NDST3: variants seen among roughly 807,000 people sequenced by gnomAD.
NDST3 encodes the protein N-deacetylase and N-sulfotransferase 3, also known as bifunctional heparan sulfate N-deacetylase/N-sulfotransferase 3.
Under a neutral mutation model 96.1 loss-of-function variants are expected in NDST3, and 58 were observed. That is an observed-to-expected ratio of 0.60 (90% confidence interval 0.49 to 0.75). The LOEUF (loss-of-function observed/expected upper bound fraction) is 0.75. NDST3 is among the 30% of genes least tolerant of loss of function. NDST3 has a pLI of 0.00. For synonymous variants in NDST3, 333 were observed against 359.7 expected (o/e 0.93, Z 0.84); for missense variants, 788 against 1,034.2 (o/e 0.76, Z 3.27).
At chr4:118,120,246 T>G (rs2125872757) in intron 4 of NDST3, among the ~76,000 whole-genome samples, 1 of 152,186 alleles carries the variant, frequency 6.6e-6, no homozygotes, top group Admixed American at 6.5e-5. Context: ...AAAGATCAGT[T>G]TGTTATTCCC....
intron 6 of NDST3, among the ~76,000 whole-genome samples, chr4:118,219,367 C>T (rs1384030508): frequency 6.6e-6 from 1 of 151,720 alleles, no homozygotes; most frequent in Non-Finnish European, 1.5e-5. Context: ...AACAGAACAG[C>T]GACCTCAGAA....
intron 6 of NDST3, among the ~76,000 whole-genome samples, chr4:118,200,604 G>A (rs1738012037): frequency 6.6e-6 from 1 of 151,930 alleles, no homozygotes. Context: ...TTGTCTTTGG[G>A]ACAGTATTGT....
intron 2 of NDST3, among the ~76,000 whole-genome samples, chr4:118,086,754 G>T (rs1053112550): frequency 2.0e-5 from 3 of 151,996 alleles, no homozygotes; most frequent in Admixed American, 1.3e-4. Context: ...TAAGCTTCTT[G>T]GCCTAATAAT....
chr4:118,037,926 T>A (rs189037765), intron 1 of NDST3, among the ~76,000 whole-genome samples: 1 of 152,290 alleles, frequency 6.6e-6, no homozygotes, highest in East Asian at 1.9e-4. Context: ...ATTTTTTCAT[T>A]ATTCGTTTCT....
intron 6 of NDST3, among the ~76,000 whole-genome samples, chr4:118,146,821 G>A (rs1169072105): frequency 1.3e-5 from 2 of 152,146 alleles, no homozygotes; most frequent in Non-Finnish European, 2.9e-5. Flanking sequence ...ATTTGGGGGA[G>A]GTGGACCTAG....
intron 2 of NDST3, among the ~76,000 whole-genome samples, chr4:118,074,500 CTTCT>C (rs764930344): frequency 1.3e-5 from 2 of 152,006 alleles, no homozygotes; most frequent in African/African-American, 2.4e-5. Context: ...ATGTAATGCC[CTTCT>C]TTGTCATTTT....
intron 8 of NDST3, among the ~76,000 whole-genome samples, chr4:118,230,101 A>G (rs997731701): frequency 1.3e-5 from 2 of 152,214 alleles, no homozygotes; most frequent in Non-Finnish European, 2.9e-5. Context: ...AAGAATAAAA[A>G]TCTTGGTCCT....
At chr4:118,125,010 A>C (rs1223915796) in intron 4 of NDST3, among the ~76,000 whole-genome samples, 1 of 151,978 alleles carries the variant, frequency 6.6e-6, no homozygotes, top group Non-Finnish European at 1.5e-5. Context: ...TGAGGGTTTC[A>C]TTATATAGGC....
intron 1 of NDST3, among the ~76,000 whole-genome samples, chr4:118,050,818 C>G (rs1015596232): frequency 7.9e-5 from 12 of 151,834 alleles, no homozygotes; most frequent in African/African-American, 2.9e-4. Context: ...TTTACAGATT[C>G]AACACTACTA....
At chr4:118,241,930 A>G (rs1287520525) in intron 11 of NDST3, 110 bp from the exon 12 acceptor site, 8 of 686,964 alleles carry the variant, frequency 1.2e-5, no homozygotes, top group African/African-American at 5.4e-5. Context: ...AATGCATGCA[A>G]TTCTGCTCAG....
In NDST3 at chr4:118,166,656, T is replaced by C. The variant is rs76472359; in HGVS notation, c.1539+22972T>C. 9.1e-3 allele frequency among the ~76,000 whole-genome samples: 1,378 copies of C among 151,966 alleles called. 25 individuals are homozygous for C. Among genetic ancestry groups the C allele is most frequent in the Middle Eastern group, 0.082 (24 of 294 alleles). The stretch of plus-strand genomic sequence containing the variant: ...ATAGATACAAAAATCCTCAAAAAAA[T>C]AGTGCAAACTAAATTCAACAGCACA... On this transcript the variant is annotated intron_variant, in intron 6 of 13. Coordinates refer to ENST00000296499, the MANE Select transcript of NDST3 (RefSeq NM_004784.3).
chr4:118,194,685 C>T (rs879354197), intron 6 of NDST3: 32 of 621,798 alleles, frequency 5.1e-5, no homozygotes, highest in Non-Finnish European at 8.9e-5. Context: ...CGAATGTCCA[C>T]TCCCTCCATG....
At chr4:118,086,091 C>T (rs761270160) in intron 2 of NDST3, among the ~76,000 whole-genome samples, 2 of 152,102 alleles carry the variant, frequency 1.3e-5, no homozygotes, top group Non-Finnish European at 2.9e-5. Context: ...GGAACATACT[C>T]CTCCCCTGTA....
chr4:118,171,535 C>G (rs1038344204), intron 6 of NDST3, among the ~76,000 whole-genome samples: 3 of 152,024 alleles, frequency 2.0e-5, no homozygotes, highest in African/African-American at 7.3e-5. Flanking sequence ...TAGGCTAATG[C>G]TGCTTGGTGT....
At chr4:118,244,746 A>G (rs1316737955) in intron 12 of NDST3, among the ~76,000 whole-genome samples, 4 of 152,152 alleles carry the variant, frequency 2.6e-5, no homozygotes, top group Non-Finnish European at 4.4e-5. Context: ...ATAAGCCCCC[A>G]ATGTCAAGAT....
At chr4:118,075,058 C>G (rs987937095) in intron 2 of NDST3, among the ~76,000 whole-genome samples, 1 of 152,022 alleles carries the variant, frequency 6.6e-6, no homozygotes, top group Admixed American at 6.6e-5. Flanking sequence ...CCCATCCCCC[C>G]ACCCCATGAC....
intron 2 of NDST3, among the ~76,000 whole-genome samples, chr4:118,071,320 C>T (rs986766481): frequency 1.3e-5 from 2 of 152,010 alleles, no homozygotes; most frequent in Admixed American, 6.6e-5. Flanking sequence ...TGGTATAGTG[C>T]ATGTCACAGG....
chr4:118,117,440 G>A (rs1238071411), intron 4 of NDST3, among the ~76,000 whole-genome samples: 2 of 152,012 alleles, frequency 1.3e-5, no homozygotes, highest in African/African-American at 4.8e-5. Flanking sequence ...TTTGTATTGG[G>A]ATGGCATTTG....
chr4:118,193,634 T>C (rs1578794820), intron 6 of NDST3: 3 of 1,287,298 alleles, frequency 2.3e-6, no homozygotes, highest in South Asian at 1.2e-5. Flanking sequence ...GTTGTTGGGG[T>C]AGAGCTGCAA....
Sources: gnomAD v4.1 joint callset for allele counts (sites outside exome capture counted in the v4.1 genomes callset) on GRCh38, gnomAD v4.1.1 for gene constraint, MANE v1.5 for transcripts, NCBI Gene and HGNC (gene_info 2026-07-23, HGNC 2026-07-21) for gene names.